The following TRIM33 variants were observed in gnomAD, a reference collection of about 807,000 sequenced individuals.
TRIM33 encodes the protein tripartite motif containing 33.
TRIM33 carries 20 observed loss-of-function variants against 125.4 expected under a neutral mutation model. That is an observed-to-expected ratio of 0.16 (90% CI 0.11 to 0.23). TRIM33 has a LOEUF of 0.23. Among genes scored for constraint, TRIM33 ranks in the 10% least tolerant of loss-of-function variants. The pLI, the probability that TRIM33 is intolerant of heterozygous loss-of-function variation, is 1.00. For synonymous variants in TRIM33, 564 were observed against 513.9 expected (o/e 1.10, Z -1.32); for missense variants, 920 against 1,411.4 (o/e 0.65, Z 5.58).
intron 18 of TRIM33, 71 bp downstream of exon 18, chr1:114,399,383 TCAG>T: frequency 1.4e-6 from 2 of 1,455,652 alleles, no homozygotes; most frequent in Non-Finnish European, 1.9e-6. Flanking sequence ...AAAATTAAAG[TCAG>T]CAGAAAAATA....
At chr1:114,496,581 T>G (rs74688215) in intron 1 of TRIM33, among the ~76,000 whole-genome samples, 2,546 of 152,334 alleles carry the variant, frequency 0.017, 61 homozygotes, top group African/African-American at 0.053. Context: ...TATGTAGGTA[T>G]TTACATAATG....
intron 11 of TRIM33, among the ~76,000 whole-genome samples, chr1:114,419,609 A>T (rs1450319166): frequency 6.6e-6 from 1 of 152,094 alleles, no homozygotes; most frequent in Non-Finnish European, 1.5e-5. Context: ...CAATAAAACT[A>T]CCATTCCCTC....
intron 1 of TRIM33, among the ~76,000 whole-genome samples, chr1:114,480,457 C>A (rs1651248917): frequency 8.3e-6 from 1 of 120,020 alleles, no homozygotes. Flanking sequence ...CTGCGAGAAA[C>A]ACCCAAGAAT....
chr1:114,400,438 A>T (rs1651803579), intron 17 of TRIM33, among the ~76,000 whole-genome samples: 1 of 152,160 alleles, frequency 6.6e-6, no homozygotes, highest in Admixed American at 6.5e-5. Flanking sequence ...TCCTGAACTC[A>T]AGTGATCTGC....
At chr1:114,425,311 C>T (rs1265222396) in intron 9 of TRIM33, 138 bp downstream of exon 9, 4 of 1,172,694 alleles carry the variant, frequency 3.4e-6, no homozygotes, top group East Asian at 2.4e-5. Context: ...ATAACCATAG[C>T]AAATATTTAA....
rs1291201443 is a variant in TRIM33 at position 114,395,587 on chromosome 1, T to A, written c.*2061A>T. On this transcript the variant is annotated 3_prime_UTR_variant, in exon 20 of 20. Coordinates refer to ENST00000358465, the MANE Select transcript of TRIM33 (RefSeq NM_015906.4). The stretch of plus-strand genomic sequence containing the variant: ...CCAAAAATGTGCCCTTAGATATATG[T>A]CTACTTACAAACTGAAATCATGGAT... 3 of 199,362 alleles carry A rather than the reference T, an allele frequency of 1.5e-5. No homozygotes were observed. The highest frequency in any genetic ancestry group is 6.9e-5 in the African/African-American group (3 of 43,510). The allele number at this position is 199,362 out of a possible 1,614,324, so 12.3% of individuals were successfully genotyped here.
At chr1:114,422,066 G>A (rs1009043243) in intron 10 of TRIM33, among the ~76,000 whole-genome samples, 2 of 152,124 alleles carry the variant, frequency 1.3e-5, no homozygotes, top group African/African-American at 2.4e-5. Context: ...AAGAAAAATG[G>A]CAGCAAGTCC....
At chr1:114,494,342 G>A (rs1394563571) in intron 1 of TRIM33, among the ~76,000 whole-genome samples, 1 of 152,144 alleles carries the variant, frequency 6.6e-6, no homozygotes, top group Non-Finnish European at 1.5e-5. Context: ...GGATATACTG[G>A]AAGGACAGAT....
chr1:114,473,256 C>CAA lies in TRIM33; in HGVS notation c.527-8870_527-8869dup, dbSNP rs35627159. ...TGGGTGCCAGAGCGAGACTCTGTCT[C>CAA]AAAAAAAAAAAAAAAAATTCATTTT... On this transcript the variant is annotated intron_variant, in intron 1 of 19. Transcript: ENST00000358465. Among the ~76,000 whole-genome samples, 120 of 106,256 alleles carry CAA rather than the reference C, an allele frequency of 1.1e-3. 1 individual carries two copies. The highest frequency in any genetic ancestry group is 2.2e-3 in the African/African-American group (60 of 27,634). The allele number at this position is 106,256 out of a possible 152,430, so 69.7% of individuals were successfully genotyped here.
At chr1:114,497,129 A>C (rs1174864058) in intron 1 of TRIM33, among the ~76,000 whole-genome samples, 1 of 152,238 alleles carries the variant, frequency 6.6e-6, no homozygotes, top group Non-Finnish European at 1.5e-5. Flanking sequence ...ATCCCTATCA[A>C]GTTATAGCTG....
At chr1:114,486,255 GAC>G (rs944432325) in intron 1 of TRIM33, among the ~76,000 whole-genome samples, 3 of 151,552 alleles carry the variant, frequency 2.0e-5, no homozygotes, top group Admixed American at 1.3e-4. Flanking sequence ...CAGCCTGGGC[GAC>G]AGAGTAAGAC....
At chr1:114,472,513 G>A (rs958009847) in intron 1 of TRIM33, among the ~76,000 whole-genome samples, 2 of 152,030 alleles carry the variant, frequency 1.3e-5, no homozygotes, top group Non-Finnish European at 2.9e-5. Context: ...CGGGCAGATC[G>A]CTTCAGTCTA....
chr1:114,434,126 C>T (rs1323906244), intron 4 of TRIM33, among the ~76,000 whole-genome samples: 3 of 152,142 alleles, frequency 2.0e-5, no homozygotes, highest in African/African-American at 7.2e-5. Flanking sequence ...AAAATTACTG[C>T]TACCACTGTA....
intron 1 of TRIM33, among the ~76,000 whole-genome samples, chr1:114,465,281 C>T (rs1247996687): frequency 6.6e-6 from 1 of 152,184 alleles, no homozygotes; most frequent in South Asian, 2.1e-4. Flanking sequence ...AGAGTCAACA[C>T]AACAAACTGA....
chr1:114,487,139 T>C (rs1238291219), intron 1 of TRIM33, among the ~76,000 whole-genome samples: 2 of 150,902 alleles, frequency 1.3e-5, no homozygotes, highest in Non-Finnish European at 2.9e-5. Flanking sequence ...TGTCCCAAAT[T>C]TGACAAAATA....
intron 1 of TRIM33, among the ~76,000 whole-genome samples, chr1:114,466,762 C>T (rs1244695450): frequency 1.3e-5 from 2 of 152,148 alleles, no homozygotes; most frequent in Admixed American, 1.3e-4. Flanking sequence ...TGATTTTAAT[C>T]TGTATCTTTC....
At chr1:114,469,010 C>T in intron 1 of TRIM33, 1 of 226,242 alleles carries the variant, frequency 4.4e-6, no homozygotes, top group Non-Finnish European at 9.0e-6. Context: ...AAACATCTTG[C>T]ATTTTTGTTG....
At position 114,510,879 on chromosome 1, in the gene TRIM33, C is replaced by G. The variant is rs1473737278; in HGVS notation, c.198G>C (p.Gly66=). Residue 66 remains glycine, a synonymous_variant, in exon 1 of 20, where the codon GGG becomes GGC. Transcript: ENST00000358465. ...CCGAGCCCGAGGAGGCCGCGGCCAC[C>G]CCCCCGTCGTCGGGCCCGGCCGCGC... ...EGGAAGPDDG[G]VAAASSGSAQ... The G allele has an allele frequency of 1.4e-6, 2 of 1,453,378 alleles. No individual in the cohort carries two copies. Among genetic ancestry groups the G allele is most frequent in the Non-Finnish European group, 1.8e-6 (2 of 1,109,974 alleles). 90.0% of individuals were successfully genotyped at this position (1,453,378 alleles called of 1,614,324 possible).
chr1:114,468,199 T>C (rs959924509), intron 1 of TRIM33: 3 of 174,200 alleles, frequency 1.7e-5, no homozygotes, highest in African/African-American at 7.2e-5. Context: ...CACACATTAA[T>C]AAGGGGCTAG....
Sources: allele counts gnomAD v4.1 joint callset (sites outside exome capture counted in the v4.1 genomes callset), GRCh38; gene constraint gnomAD v4.1.1; transcripts MANE v1.5; gene names NCBI Gene and HGNC (gene_info 2026-07-23, HGNC 2026-07-21).